The following UHRF2 variants were observed in gnomAD, a reference collection of about 807,000 sequenced individuals.
UHRF2 encodes the protein ubiquitin like with PHD and ring finger domains 2, also known as E3 ubiquitin-protein ligase UHRF2.
In UHRF2, 23 loss-of-function variants were observed where a neutral mutation model predicts 96.8. That is an observed-to-expected ratio of 0.24 (90% confidence interval 0.17 to 0.34). The LOEUF (loss-of-function observed/expected upper bound fraction) is 0.34. UHRF2 is among the 10% of genes least tolerant of loss of function. The pLI, the probability that UHRF2 is intolerant of heterozygous loss-of-function variation, is 1.00. For synonymous variants in UHRF2, 385 were observed against 332.6 expected (o/e 1.16, Z -1.72); for missense variants, 685 against 981.5 (o/e 0.70, Z 4.04).
At chr9:6,434,243 G>A (rs1405244780) in intron 3 of UHRF2, 70 bp downstream of exon 3, 3 of 1,488,112 alleles carry the variant, frequency 2.0e-6, no homozygotes, top group African/African-American at 1.4e-5. Flanking sequence ...TCTATTTCAA[G>A]ATTATTTTAA....
chr9:6,481,655 T>C lies in UHRF2; in HGVS notation c.1173T>C (p.Ser391=). 2.5e-6 allele frequency: 4 copies of C among 1,613,138 alleles called. No homozygotes were observed. Among genetic ancestry groups the C allele is most frequent in the Non-Finnish European group, 3.4e-6 (4 of 1,179,650 alleles). The change falls in exon 7 of 16, where the codon TCT becomes TCC. Residue 391 remains serine, a synonymous_variant. Coordinates refer to ENST00000276893, the MANE Select transcript of UHRF2 (RefSeq NM_152896.3). ...VPEEEYWYCP[S]CKTDSSEVVK... Reference sequence around the variant, plus strand: ...TTTTCTTTTAAAGGTATTGTCCTTCTTGTAAAACTGATTCCAGTGAAGTTG... The same window carrying C: ...TTTTCTTTTAAAGGTATTGTCCTTCCTGTAAAACTGATTCCAGTGAAGTTG...
chr9:6,466,298 G>A (rs1470317552), intron 4 of UHRF2, among the ~76,000 whole-genome samples: 1 of 152,160 alleles, frequency 6.6e-6, no homozygotes, highest in African/African-American at 2.4e-5. Context: ...AGCACTTTGG[G>A]AGGCTGAGGC....
At chr9:6,478,493 G>A (rs865959133) in intron 6 of UHRF2, among the ~76,000 whole-genome samples, 12 of 152,164 alleles carry the variant, frequency 7.9e-5, no homozygotes, top group African/African-American at 2.4e-4. Context: ...CATTGAAGAA[G>A]GCTCCAATTA....
Position 6,460,875 on chromosome 9 carries a change from T to TA in UHRF2, c.863+91dup, listed in dbSNP as rs1283859834. 1.2e-4 allele frequency: 126 copies of TA among 1,063,946 alleles called. No homozygotes were observed. The South Asian group carries it at 1.6e-3, about 14-fold the overall frequency. 65.9% of individuals were successfully genotyped at this position (1,063,946 alleles called of 1,614,324 possible). A position where few individuals can be genotyped will look rare whatever the true frequency, so the allele number is the denominator to read the frequency against. On this transcript the variant is annotated intron_variant, in intron 4 of 15. Transcript: ENST00000276893. ...TAGGTATTAAGCACGTGTACCTTAG[T>TA]AAAAAAAGATGGAGTCTATAAAAGA...
At position 6,413,466 on chromosome 9, in the gene UHRF2, G is replaced by C; in HGVS notation, c.-25G>C. Reference sequence around the variant, plus strand: ...CCAGAGCTCAGGGGGAGACAAAGGGGACCGGTTCCTCTCTAGGCGCCAAGA... The same window carrying C: ...CCAGAGCTCAGGGGGAGACAAAGGGCACCGGTTCCTCTCTAGGCGCCAAGA... On this transcript the variant is annotated 5_prime_UTR_variant, in exon 1 of 16. Transcript: ENST00000276893. The C allele has an allele frequency of 1.3e-6, 2 of 1,515,184 alleles. No homozygotes were observed. The highest frequency in any genetic ancestry group is 8.9e-7 in the Non-Finnish European group (1 of 1,124,744). 93.9% of individuals were successfully genotyped at this position (1,515,184 alleles called of 1,614,324 possible). A position where few individuals can be genotyped will look rare whatever the true frequency, so the allele number is the denominator to read the frequency against.
chr9:6,492,261 C>A, intron 9 of UHRF2: 1 of 954,970 alleles, frequency 1.0e-6, no homozygotes, highest in Non-Finnish European at 1.4e-6. Flanking sequence ...TCTTACTTTC[C>A]ATTACTTTTT....
chr9:6,474,735 A>G (rs577811720), intron 4 of UHRF2, among the ~76,000 whole-genome samples: 1 of 152,244 alleles, frequency 6.6e-6, no homozygotes, highest in East Asian at 1.9e-4. Context: ...AAATAAATAA[A>G]TGGAGAAATG....
chr9:6,492,494 G>C, intron 9 of UHRF2: 5 of 390,796 alleles, frequency 1.3e-5, no homozygotes, highest in Non-Finnish European at 1.8e-5. Flanking sequence ...CCTTAATATT[G>C]GATTAACAAA....
At chr9:6,461,497 C>G (rs888747771) in intron 4 of UHRF2, among the ~76,000 whole-genome samples, 2 of 151,268 alleles carry the variant, frequency 1.3e-5, no homozygotes, top group Non-Finnish European at 2.9e-5. Context: ...CTCAGCCTCC[C>G]AAGTAGCTGG....
chr9:6,486,933 A>T lies in UHRF2; in HGVS notation c.1497+8A>T. 2 of 1,613,482 alleles carry T rather than the reference A, an allele frequency of 1.2e-6. No homozygotes were observed. Among genetic ancestry groups the T allele is most frequent in the East Asian group, 2.2e-5 (1 of 44,852 alleles). ...GGATTTGCGGATGAAGTCGTAAGTC[A>T]TTATACAACCTTACTCATTAGTACC... On this transcript the variant is annotated splice_region_variant and intron_variant, in intron 9 of 15. Coordinates refer to ENST00000276893, the MANE Select transcript of UHRF2 (RefSeq NM_152896.3).
chr9:6,455,028 C>G (rs937520576), intron 3 of UHRF2, among the ~76,000 whole-genome samples: 1 of 152,186 alleles, frequency 6.6e-6, no homozygotes, highest in African/African-American at 2.4e-5. Flanking sequence ...GCTGTAGTAG[C>G]CTGGCCTACC....
chr9:6,457,719 G>GTT (rs1270942364), intron 3 of UHRF2, among the ~76,000 whole-genome samples: 3 of 151,956 alleles, frequency 2.0e-5, no homozygotes, highest in African/African-American at 7.2e-5. Flanking sequence ...AGCATGAAGG[G>GTT]GTTGAATTTT....
At position 6,413,261 on chromosome 9, in the gene UHRF2, G is replaced by C. The variant is rs972398496; in HGVS notation, c.-230G>C. On this transcript the variant is annotated 5_prime_UTR_variant, in exon 1 of 16. Coordinates refer to ENST00000276893, the MANE Select transcript of UHRF2 (RefSeq NM_152896.3). ...TCCTATCTTTGAGGCGGTGTCTGCG[G>C]CAGCGCCTCAGAGTGGTTCCGGTCG... The C allele has an allele frequency of 3.4e-5, 7 of 204,578 alleles. 1 individual carries two copies. The highest frequency in any genetic ancestry group is 3.7e-4 in the South Asian group (2 of 5,360). 12.7% of individuals were successfully genotyped at this position (204,578 alleles called of 1,614,324 possible).
intron 14 of UHRF2, among the ~76,000 whole-genome samples, chr9:6,501,299 C>G (rs1187884348): frequency 6.6e-6 from 1 of 152,176 alleles, no homozygotes; most frequent in African/African-American, 2.4e-5. Context: ...CAAATATGAA[C>G]TATCTCTTCA....
rs1057360651 is a variant in UHRF2, at chr9:6,441,195, A to C, written c.644+7022A>C. ...GGAGTTCGAGACCAGCCTAGGCAAC[A>C]TGGCAAAACCCAGTCTCTACAAAAA... On this transcript the variant is annotated intron_variant, in intron 3 of 15. Transcript: ENST00000276893. 9.9e-5 allele frequency among the ~76,000 whole-genome samples: 15 copies of C among 152,130 alleles called. 1 individual carries two copies. Among genetic ancestry groups the C allele is most frequent in the Non-Finnish European group, 1.9e-4 (13 of 67,978 alleles).
In UHRF2 at chr9:6,460,431, A is replaced by C. The variant is rs552631579; in HGVS notation, c.645-142A>C. 2.0e-4 allele frequency: 129 copies of C among 640,704 alleles called. No individual in the cohort carries two copies. The South Asian group carries it at 2.6e-3, about 13-fold the overall frequency. 39.7% of individuals were successfully genotyped at this position (640,704 alleles called of 1,614,324 possible). A position where few individuals can be genotyped will look rare whatever the true frequency, so the allele number is the denominator to read the frequency against. Reference sequence around the variant, plus strand: ...GGTGAGAAACCAACATGAAGTAATAACACCTGCTATTTAAGGACACTTCAA... The same window carrying C: ...GGTGAGAAACCAACATGAAGTAATACCACCTGCTATTTAAGGACACTTCAA... On this transcript the variant is annotated intron_variant, in intron 3 of 15. Transcript: ENST00000276893.
At chr9:6,424,635 T>C (rs534090042) in intron 2 of UHRF2, among the ~76,000 whole-genome samples, 86 of 152,138 alleles carry the variant, frequency 5.7e-4, no homozygotes, top group Non-Finnish European at 1.0e-3. Context: ...TAAGTTAGTG[T>C]GGTGTATTTG....
rs546934309 is a variant in UHRF2 at position 6,469,867 on chromosome 9, G to A, written c.864-5524G>A. 3.3e-5 allele frequency among the ~76,000 whole-genome samples: 5 copies of A among 151,776 alleles called. No individual in the cohort carries two copies. In the East Asian group the frequency reaches 9.7e-4, roughly 29 times the overall value. ...GAAAACAGTATTTGAAAATATAGTA[G>A]CCCAAAATTTCCAAAACTGATTAAA... On this transcript the variant is annotated intron_variant, in intron 4 of 15. Transcript: ENST00000276893.
At chr9:6,450,102 T>G (rs1043364501) in intron 3 of UHRF2, among the ~76,000 whole-genome samples, 1 of 152,186 alleles carries the variant, frequency 6.6e-6, no homozygotes, top group Non-Finnish European at 1.5e-5. Context: ...GGGAACAGAC[T>G]TGGAAACACT....
Sources: gnomAD v4.1 joint callset for allele counts (sites outside exome capture counted in the v4.1 genomes callset) on GRCh38, gnomAD v4.1.1 for gene constraint, MANE v1.5 for transcripts, NCBI Gene and HGNC (gene_info 2026-07-23, HGNC 2026-07-21) for gene names.